The following FER1L6 variants were observed in gnomAD, a reference collection of about 807,000 sequenced individuals.
FER1L6 encodes the protein fer-1 like family member 6, also known as fer-1-like protein 6.
Under a neutral mutation model 219.2 loss-of-function variants are expected in FER1L6, and 177 were observed. That is an observed-to-expected ratio of 0.81 (90% CI 0.71 to 0.91). The LOEUF (loss-of-function observed/expected upper bound fraction) is 0.91, where lower values mean the gene tolerates loss of function less well. Among genes scored for constraint, FER1L6 ranks in the 40% least tolerant of loss-of-function variants. The pLI is 0.00. For synonymous variants in FER1L6, 768 were observed against 824.3 expected (o/e 0.93, Z 1.17); for missense variants, 2,153 against 2,259.9 (o/e 0.95, Z 0.96).
chr8:123,906,038 G>A (rs1563680057), intron 1 of FER1L6, among the ~76,000 whole-genome samples: 1 of 152,140 alleles, frequency 6.6e-6, no homozygotes, highest in Non-Finnish European at 1.5e-5. Context: ...AGGCAGGTAA[G>A]GTTATGCATT....
rs112699887 is a variant in FER1L6, at chr8:124,106,533, C to T, written c.5289+3224C>T. The stretch of plus-strand genomic sequence containing the variant: ...CATCTCTCACTGCTCCCCTCTCAAC[C>T]ATCCTGAACCCTTCCCGGACTCTTG... On this transcript the variant is annotated intron_variant, in intron 39 of 40. Coordinates refer to ENST00000522917, the MANE Select transcript of FER1L6 (RefSeq NM_001039112.2). 5.8e-3 allele frequency among the ~76,000 whole-genome samples: 882 copies of T among 152,168 alleles called. 16 individuals carry two copies. Among genetic ancestry groups the T allele is most frequent in the African/African-American group, 0.02 (835 of 41,488 alleles).
At chr8:124,081,605 C>CA (rs1243602409) in intron 32 of FER1L6, among the ~76,000 whole-genome samples, 4,547 of 52,456 alleles carry the variant, frequency 0.087, 285 homozygotes, top group African/African-American at 0.2. Context: ...ATGCAGAGAC[C>CA]AAAAAAAAAA....
chr8:124,094,269 G>A (rs1353886990), intron 34 of FER1L6, among the ~76,000 whole-genome samples: 1 of 152,082 alleles, frequency 6.6e-6, no homozygotes, highest in East Asian at 1.9e-4. Flanking sequence ...ACCCTCTCCA[G>A]TACCTTGAAG....
At chr8:123,932,705 C>T (rs1172128676) in intron 1 of FER1L6, among the ~76,000 whole-genome samples, 2 of 152,188 alleles carry the variant, frequency 1.3e-5, no homozygotes, top group Admixed American at 6.5e-5. Flanking sequence ...GGGCAACTTA[C>T]AGCTTCTCTG....
At chr8:124,103,342 G>T in intron 39 of FER1L6, 33 bp downstream of exon 39, 1 of 1,592,446 alleles carries the variant, frequency 6.3e-7, no homozygotes, top group Non-Finnish European at 8.6e-7. Flanking sequence ...GGAGGAGATG[G>T]GGGAAGTTGG....
chr8:123,910,979 A>C (rs1813038979), intron 1 of FER1L6, among the ~76,000 whole-genome samples: 1 of 152,108 alleles, frequency 6.6e-6, no homozygotes, highest in Admixed American at 6.6e-5. Context: ...AGTGAGGTCT[A>C]GGGTGAGTCA....
intron 1 of FER1L6, among the ~76,000 whole-genome samples, chr8:123,908,991 T>C (rs1813005437): frequency 1.3e-5 from 2 of 152,228 alleles, no homozygotes; most frequent in African/African-American, 4.8e-5. Context: ...GTGAGGATTA[T>C]AGTCAACTGG....
chr8:124,108,376 G>T (rs1351396890), intron 39 of FER1L6, among the ~76,000 whole-genome samples: 2 of 152,198 alleles, frequency 1.3e-5, no homozygotes, highest in Non-Finnish European at 2.9e-5. Context: ...ACCCTGAAAT[G>T]AGATAGTATG....
chr8:123,941,250 T>C (rs567062951), intron 1 of FER1L6, among the ~76,000 whole-genome samples: 1 of 152,316 alleles, frequency 6.6e-6, no homozygotes, highest in Admixed American at 6.5e-5. Flanking sequence ...CTGGAGAGCT[T>C]AGATAGAACC....
intron 38 of FER1L6, 41 bp downstream of exon 38, chr8:124,101,379 G>A (rs1822543921): frequency 6.3e-7 from 1 of 1,581,682 alleles, no homozygotes; most frequent in Non-Finnish European, 8.6e-7. Flanking sequence ...AATGTTAAGG[G>A]TTTTGTCTCA....
intron 22 of FER1L6, among the ~76,000 whole-genome samples, chr8:124,057,099 C>T (rs1347760408): frequency 1.3e-5 from 2 of 152,134 alleles, no homozygotes; most frequent in Admixed American, 6.5e-5. Flanking sequence ...CCTGCTCAAG[C>T]CCTCAAGACG....
At chr8:124,038,502 G>A (rs1191760602) in intron 19 of FER1L6, among the ~76,000 whole-genome samples, 1 of 152,086 alleles carries the variant, frequency 6.6e-6, no homozygotes, top group Non-Finnish European at 1.5e-5. Flanking sequence ...GGACATGCAG[G>A]TTGCTTCCAG....
chr8:124,031,967 G>A (rs1818987332), intron 18 of FER1L6, among the ~76,000 whole-genome samples: 1 of 152,162 alleles, frequency 6.6e-6, no homozygotes, highest in Admixed American at 6.5e-5. Flanking sequence ...TTTTTTAAAT[G>A]TACAAGTTGC....
rs34449042 is a variant in FER1L6, at chr8:123,949,352, C to CA, written c.-7-6630dup. On this transcript the variant is annotated intron_variant, in intron 1 of 40. Coordinates refer to ENST00000522917, the MANE Select transcript of FER1L6 (RefSeq NM_001039112.2). ...CTCCTATTTCCAATGTCCACAGCAT[C>CA]AAAAAAAAAATGAGGTTCAGAGGAA... Among the ~76,000 whole-genome samples, 797 of 146,900 alleles carry CA rather than the reference C, an allele frequency of 5.4e-3. 7 individuals are homozygous for CA. The highest frequency in any genetic ancestry group is 0.016 in the African/African-American group (656 of 40,168).
chr8:123,961,922 T>A (rs1238379881), intron 2 of FER1L6, among the ~76,000 whole-genome samples: 1 of 147,702 alleles, frequency 6.8e-6, no homozygotes, highest in Non-Finnish European at 1.5e-5. Flanking sequence ...GGAGTCTCGC[T>A]CTGTCTCCCT....
At chr8:124,007,816 A>C (rs1817735256) in intron 13 of FER1L6, among the ~76,000 whole-genome samples, 1 of 152,246 alleles carries the variant, frequency 6.6e-6, no homozygotes. Flanking sequence ...TTAGATGAGC[A>C]AGCCATGAAA....
chr8:124,026,509 G>C, intron 18 of FER1L6, among the ~76,000 whole-genome samples: 1 of 152,142 alleles, frequency 6.6e-6, no homozygotes. Context: ...GTATAGGAGA[G>C]AGAGAGATCC....
intron 1 of FER1L6, among the ~76,000 whole-genome samples, chr8:123,879,348 A>T (rs113363830): frequency 5.3e-5 from 8 of 152,072 alleles, no homozygotes; most frequent in African/African-American, 1.7e-4. Flanking sequence ...TTTTTTTGAG[A>T]TGGAATCTCA....
intron 24 of FER1L6, among the ~76,000 whole-genome samples, chr8:124,061,117 G>A (rs1820547999): frequency 1.3e-5 from 2 of 152,126 alleles, no homozygotes; most frequent in African/African-American, 4.8e-5. Context: ...GAGAACCACT[G>A]GCCTAGAAAA....
Sources: allele counts gnomAD v4.1 joint callset (sites outside exome capture counted in the v4.1 genomes callset), GRCh38; gene constraint gnomAD v4.1.1; transcripts MANE v1.5; gene names NCBI Gene and HGNC (gene_info 2026-07-23, HGNC 2026-07-21).